The following GRID2 variants were observed in gnomAD, a reference collection of about 807,000 sequenced individuals.
GRID2 encodes the protein glutamate receptor ionotropic, delta-2.
In GRID2, 33 loss-of-function variants were observed where a neutral mutation model predicts 114.8. The observed-to-expected ratio is 0.29, with a 90% CI of 0.22 to 0.38. The LOEUF (loss-of-function observed/expected upper bound fraction) is 0.38. Among genes scored for constraint, GRID2 ranks in the 10% least tolerant of loss-of-function variants. The pLI, the probability that GRID2 is intolerant of heterozygous loss-of-function variation, is 1.00. For missense variants in GRID2, 1,184 were observed against 1,257.7 expected (o/e 0.94, Z 0.89); for synonymous variants, 505 against 449.9 (o/e 1.12, Z -1.55).
intron 9 of GRID2, among the ~76,000 whole-genome samples, chr4:93,416,293 G>C (rs1277809456): frequency 6.6e-6 from 1 of 151,924 alleles, no homozygotes; most frequent in South Asian, 2.1e-4. Context: ...AAGAACAGTG[G>C]CCATTAATTC....
chr4:93,223,816 A>G lies in GRID2; in HGVS notation c.964-798A>G, dbSNP rs1158053292. 8.5e-5 allele frequency among the ~76,000 whole-genome samples: 13 copies of G among 152,156 alleles called. 1 individual carries two copies. In the East Asian group the frequency reaches 2.5e-3, roughly 29 times the overall value. ...GAAAAATAAGCACCTTTGGTGATTA[A>G]TTGACAGTATAAATAGTAGTTCTGG... On this transcript the variant is annotated intron_variant, in intron 6 of 15. Transcript: ENST00000282020.
intron 1 of GRID2, among the ~76,000 whole-genome samples, chr4:93,796,555 G>GT (rs869170115): frequency 7.1e-6 from 1 of 141,576 alleles, no homozygotes; most frequent in East Asian, 2.0e-4. Flanking sequence ...TTGTTTGTTT[G>GT]TTTTTTGAGA....
chr4:92,627,380 C>T (rs780220614), intron 2 of GRID2, among the ~76,000 whole-genome samples: 12 of 151,814 alleles, frequency 7.9e-5, no homozygotes, highest in East Asian at 1.9e-4. Context: ...AATGTTGGTT[C>T]GCTGAACAAA....
chr4:93,392,806 C>A (rs17020544), intron 8 of GRID2, among the ~76,000 whole-genome samples: 3 of 151,780 alleles, frequency 2.0e-5, no homozygotes, highest in Admixed American at 2.0e-4. Context: ...AAAACAACAC[C>A]TCAATGAAAA....
intron 4 of GRID2, among the ~76,000 whole-genome samples, chr4:93,156,508 G>A (rs1737200004): frequency 6.6e-6 from 1 of 151,758 alleles, no homozygotes; most frequent in African/African-American, 2.4e-5. Flanking sequence ...AAGATTCACA[G>A]GCCCTTTAGA....
chr4:93,483,238 G>T (rs1490452425), intron 11 of GRID2, among the ~76,000 whole-genome samples: 1 of 151,872 alleles, frequency 6.6e-6, no homozygotes, highest in Non-Finnish European at 1.5e-5. Flanking sequence ...CAGCTTACAT[G>T]AACTATTCAG....
chr4:93,546,399 G>T (rs960345538), intron 13 of GRID2, among the ~76,000 whole-genome samples: 5 of 152,186 alleles, frequency 3.3e-5, no homozygotes, highest in African/African-American at 1.2e-4. Flanking sequence ...TGCAGCTAGA[G>T]ACAAAAGGAC....
At chr4:93,169,674 T>C (rs1292303502) in intron 4 of GRID2, among the ~76,000 whole-genome samples, 1 of 152,222 alleles carries the variant, frequency 6.6e-6, no homozygotes, top group African/African-American at 2.4e-5. Flanking sequence ...AAGATTGAAG[T>C]GTATAAAACA....
chr4:92,618,548 G>A (rs1485290618), intron 2 of GRID2, among the ~76,000 whole-genome samples: 4 of 151,658 alleles, frequency 2.6e-5, no homozygotes, highest in Non-Finnish European at 5.9e-5. Flanking sequence ...TGTGAAGAAT[G>A]TCATGAATAA....
chr4:93,349,479 A>G (rs1760577671), intron 8 of GRID2, among the ~76,000 whole-genome samples: 1 of 152,094 alleles, frequency 6.6e-6, no homozygotes. Context: ...TTTTCAGAAT[A>G]TTCTCAAATA....
At chr4:92,604,275 C>G (rs1729353770) in intron 2 of GRID2, among the ~76,000 whole-genome samples, 1 of 152,042 alleles carries the variant, frequency 6.6e-6, no homozygotes, top group Non-Finnish European at 1.5e-5. Flanking sequence ...ATAGCAAAGA[C>G]ATAGAATCAA....
intron 1 of GRID2, among the ~76,000 whole-genome samples, chr4:92,497,944 T>G (rs1266995329): frequency 1.3e-5 from 2 of 151,824 alleles, no homozygotes; most frequent in East Asian, 3.9e-4. Flanking sequence ...GCTGCATAAG[T>G]AATAAATACA....
chr4:92,950,852 C>T (rs867656816), intron 2 of GRID2, among the ~76,000 whole-genome samples: 45 of 152,126 alleles, frequency 3.0e-4, no homozygotes, highest in African/African-American at 1.0e-3. Context: ...TATAGTAGTA[C>T]CTAATTGTAT....
intron 14 of GRID2, among the ~76,000 whole-genome samples, chr4:93,660,532 ACT>A (rs1327701490): frequency 1.3e-5 from 2 of 152,164 alleles, no homozygotes; most frequent in Non-Finnish European, 2.9e-5. Context: ...TATGAGAAAT[ACT>A]CTCTATCAAA....
intron 1 of GRID2, among the ~76,000 whole-genome samples, chr4:92,556,121 G>A (rs1406978399): frequency 1.3e-5 from 2 of 152,164 alleles, no homozygotes; most frequent in Non-Finnish European, 2.9e-5. Flanking sequence ...CCTAAGGTGA[G>A]AAGGAGGGCC....
chr4:93,487,970 C>A (rs1030874590), intron 11 of GRID2, among the ~76,000 whole-genome samples: 5 of 151,876 alleles, frequency 3.3e-5, no homozygotes, highest in Non-Finnish European at 5.9e-5. Context: ...TTGCATTCTA[C>A]AAGAATATTT....
intron 8 of GRID2, among the ~76,000 whole-genome samples, chr4:93,248,120 C>G (rs182250081): frequency 1.3e-5 from 2 of 151,552 alleles, no homozygotes; most frequent in Non-Finnish European, 2.9e-5. Flanking sequence ...AAGCTCCAGT[C>G]CAGCTCAAAT....
At chr4:93,391,722 T>C (rs984041475) in intron 8 of GRID2, among the ~76,000 whole-genome samples, 5 of 152,132 alleles carry the variant, frequency 3.3e-5, no homozygotes, top group African/African-American at 9.7e-5. Flanking sequence ...TTACAGCCCA[T>C]GGCAAATAAG....
intron 13 of GRID2, among the ~76,000 whole-genome samples, chr4:93,544,252 A>C (rs11945687): frequency 0.31 from 47,042 of 151,918 alleles, 7,932 homozygotes; most frequent in African/African-American, 0.43. Context: ...CTCCTTTGAG[A>C]TCTCTGGGAA....
Sources: gnomAD v4.1 joint callset for allele counts (sites outside exome capture counted in the v4.1 genomes callset) on GRCh38, gnomAD v4.1.1 for gene constraint, MANE v1.5 for transcripts, NCBI Gene and HGNC (gene_info 2026-07-23, HGNC 2026-07-21) for gene names.